The following KLRC1 variants were observed in gnomAD, a reference collection of about 807,000 sequenced individuals.
KLRC1 encodes killer cell lectin like receptor C1, also known as NKG2-A/NKG2-B type II integral membrane protein.
In KLRC1, 22 loss-of-function variants were observed where a neutral mutation model predicts 25.9. That is an observed-to-expected ratio of 0.85 (90% CI 0.61 to 1.21). KLRC1 has a LOEUF of 1.21. KLRC1 is among the 50% of genes most tolerant of loss of function. The probability of loss-of-function intolerance (pLI) is 0.00; values close to 1 mark genes in which losing one functional copy is unlikely to be tolerated. For missense variants in KLRC1, 240 were observed against 272.2 expected (o/e 0.88, Z 0.83); for synonymous variants, 77 against 93.1 (o/e 0.83, Z 0.99).
At position 10,451,164 on chromosome 12, in the gene KLRC1, G is replaced by A. The variant is rs748623846; in HGVS notation, c.-8C>T. ...TACTCCTTGGTTATCCATCTCTGCA[G>A]TGTGTGATGTCAGGGACTGTACTCT... On this transcript the variant is annotated 5_prime_UTR_variant, in exon 2 of 7. Coordinates refer to ENST00000359151, the MANE Select transcript of KLRC1 (RefSeq NM_002259.5). The A allele has an allele frequency of 6.2e-6, 10 of 1,608,984 alleles. No individual in the cohort carries two copies. The highest frequency in any genetic ancestry group is 8.5e-6 in the Non-Finnish European group (10 of 1,177,716).
At chr12:10,448,794 C>A (rs574005645) in intron 5 of KLRC1, among the ~76,000 whole-genome samples, 1 of 152,200 alleles carries the variant, frequency 6.6e-6, no homozygotes, top group African/African-American at 2.4e-5. Context: ...AGCAGGTAAA[C>A]GTTATTTATA....
intron 6 of KLRC1, 36 bp from the exon 7 acceptor site, chr12:10,446,698 T>C (rs369864314): frequency 1.7e-4 from 276 of 1,611,330 alleles, no homozygotes; most frequent in Non-Finnish European, 2.3e-4. Flanking sequence ...TGTTACATTT[T>C]AAGCAAATGA....
rs1863987007 is a variant in KLRC1, at chr12:10,446,502, A to G, written c.*49T>C. 1 of 1,534,434 alleles carries G rather than the reference A, an allele frequency of 6.5e-7. No individual in the cohort carries two copies. The highest frequency in any genetic ancestry group is 2.3e-5 in the East Asian group (1 of 43,940). On this transcript the variant is annotated 3_prime_UTR_variant, in exon 7 of 7. Coordinates refer to ENST00000359151, the MANE Select transcript of KLRC1 (RefSeq NM_002259.5). Reference sequence around the variant, plus strand: ...TGCAATCATAATATATTTCTATTTTAAGAAATATACAATTTATCTGATGCA... The same window carrying G: ...TGCAATCATAATATATTTCTATTTTGAGAAATATACAATTTATCTGATGCA...
chr12:10,450,320 A>G lies in KLRC1; in HGVS notation c.283+164T>C, dbSNP rs1864095514. ...TCAGAAGCGAATACTTTCAACAATT[A>G]TTCTTTCATTTATTCTTTGACAAAT... On this transcript the variant is annotated intron_variant, in intron 3 of 6. Transcript: ENST00000359151. 3 of 527,166 alleles carry G rather than the reference A, an allele frequency of 5.7e-6. No homozygotes were observed. The South Asian group carries it at 9.7e-5, about 17-fold the overall frequency. The allele number at this position is 527,166 out of a possible 1,614,324, so 32.7% of individuals were successfully genotyped here. A position where few individuals can be genotyped will look rare whatever the true frequency, so the allele number is the denominator to read the frequency against.
downstream of KLRC1, among the ~76,000 whole-genome samples, chr12:10,443,740 C>CTAA: frequency 7.1e-6 from 1 of 140,444 alleles, no homozygotes; most frequent in East Asian, 2.1e-4. Context: ...TCTCATAATT[C>CTAA]TAAGCATATT....
At chr12:10,444,651 A>G (rs1323982322), downstream of KLRC1, among the ~76,000 whole-genome samples, 1 of 152,218 alleles carries the variant, frequency 6.6e-6, no homozygotes, top group Non-Finnish European at 1.5e-5. Flanking sequence ...TACATGTTTT[A>G]AAGAAATTCA....
At position 10,449,919 on chromosome 12, in the gene KLRC1, T is replaced by G; in HGVS notation, c.332A>C (p.Gln111Pro). Residue 111 changes from glutamine to proline, a missense_variant, in exon 4 of 7, where the codon CAG becomes CCG. Coordinates refer to ENST00000359151, the MANE Select transcript of KLRC1 (RefSeq NM_002259.5). ...HNNSSLNTRT[Q>P]KARHCGHCPE... Reference sequence around the variant, plus strand: ...CTTTAAAAATTATTATATACCTTTCTGAGTTCTTGTATTCAGGGAAGAATT... The same window carrying G: ...CTTTAAAAATTATTATATACCTTTCGGAGTTCTTGTATTCAGGGAAGAATT... 5.4e-6 allele frequency: 8 copies of G among 1,483,546 alleles called. No homozygotes were observed. The highest frequency in any genetic ancestry group is 6.3e-6 in the Non-Finnish European group (7 of 1,111,350). 91.9% of individuals were successfully genotyped at this position (1,483,546 alleles called of 1,614,324 possible). A position where few individuals can be genotyped will look rare whatever the true frequency, so the allele number is the denominator to read the frequency against.
At chr12:10,443,580 C>A (rs759025973), downstream of KLRC1, among the ~76,000 whole-genome samples, 7 of 141,292 alleles carry the variant, frequency 5.0e-5, 1 homozygote, top group Admixed American at 6.9e-5. Context: ...GATTTTAAAC[C>A]CTTTTCTCTC....
downstream of KLRC1, among the ~76,000 whole-genome samples, chr12:10,444,315 T>G (rs1172789726): frequency 6.8e-6 from 1 of 146,282 alleles, no homozygotes; most frequent in Non-Finnish European, 1.5e-5. Flanking sequence ...CAAAGGTATT[T>G]TCATTGAAAA....
intron 3 of KLRC1, 119 bp downstream of exon 3, chr12:10,450,365 T>C (rs1245279672): frequency 8.2e-6 from 5 of 606,438 alleles, no homozygotes; most frequent in Non-Finnish European, 1.4e-5. Flanking sequence ...TCATTCCACA[T>C]TTAGTCCAAA....
Position 10,453,191 on chromosome 12 carries a change from T to A in KLRC1, c.-32+7A>T. The A allele has an allele frequency of 1.0e-6, 1 of 984,186 alleles. No homozygotes were observed. The allele number at this position is 984,186 out of a possible 1,614,324, so 61.0% of individuals were successfully genotyped here. A position where few individuals can be genotyped will look rare whatever the true frequency, so the allele number is the denominator to read the frequency against. On this transcript the variant is annotated splice_region_variant and intron_variant, in intron 1 of 6. Transcript: ENST00000359151. ...CTAGTAGAGAGTTGGAGAGTAGCAA[T>A]ACATACCTTCTGTCCCCAGAAAGTC...
At chr12:10,453,135 G>A in intron 1 of KLRC1, 63 bp downstream of exon 1, 6 of 646,042 alleles carry the variant, frequency 9.3e-6, no homozygotes, top group Non-Finnish European at 1.2e-5. Flanking sequence ...ATCATATTGA[G>A]CACTTGAAAT....
chr12:10,450,303 G>T (rs574770218), intron 3 of KLRC1, 181 bp downstream of exon 3: 2 of 514,906 alleles, frequency 3.9e-6, no homozygotes, highest in Middle Eastern at 4.9e-4. Flanking sequence ...CATCAGAAGC[G>T]AATACTTTCA....
intron 3 of KLRC1, 46 bp from the exon 4 acceptor site, chr12:10,450,013 C>A: frequency 7.8e-7 from 1 of 1,279,096 alleles, no homozygotes; most frequent in African/African-American, 1.9e-5. Context: ...GCATCTAAAT[C>A]AATCATAATA....
At chr12:10,449,419 C>A (rs1864073579) in intron 4 of KLRC1, 31 bp from the exon 5 acceptor site, 1 of 1,597,396 alleles carries the variant, frequency 6.3e-7, no homozygotes, top group South Asian at 1.1e-5. Flanking sequence ...CTATCTAGAC[C>A]AATATGAATT....
intron 6 of KLRC1, chr12:10,447,169 C>T (rs959095681): frequency 6.8e-5 from 13 of 191,330 alleles, no homozygotes; most frequent in South Asian, 2.2e-4. Flanking sequence ...GCTTCAAATG[C>T]GGCCCAATAC....
At chr12:10,452,590 T>C (rs887541986) in intron 1 of KLRC1, among the ~76,000 whole-genome samples, 1 of 152,200 alleles carries the variant, frequency 6.6e-6, no homozygotes, top group Non-Finnish European at 1.5e-5. Flanking sequence ...ACAATTGTTA[T>C]GTTACTGTTT....
rs1243320219 is a variant in KLRC1 at position 10,448,533 on chromosome 12, G to T, written c.489+704C>A. On this transcript the variant is annotated intron_variant, in intron 5 of 6. Coordinates refer to ENST00000359151, the MANE Select transcript of KLRC1 (RefSeq NM_002259.5). ...GAGTGGATGTGGGTGAGGAGGATCA[G>T]CAAAGGAACCCAATGACTACCAGTG... 2.0e-5 allele frequency among the ~76,000 whole-genome samples: 3 copies of T among 152,278 alleles called. No individual in the cohort carries two copies. The East Asian group carries it at 5.8e-4, about 29-fold the overall frequency.
rs778159152 is a variant in KLRC1 at position 10,449,192 on chromosome 12, C to T, written c.489+45G>A. ...ATGATTTCTACAAATATATTATCGA[C>T]CGAAAGAAGCTTTTCATAAAGTGTT... On this transcript the variant is annotated intron_variant, in intron 5 of 6. Coordinates refer to ENST00000359151, the MANE Select transcript of KLRC1 (RefSeq NM_002259.5). 4.3e-6 allele frequency: 7 copies of T among 1,610,804 alleles called. No individual in the cohort carries two copies. The Admixed American group carries it at 1.0e-4, about 23-fold the overall frequency.
Sources: allele counts gnomAD v4.1 joint callset (sites outside exome capture counted in the v4.1 genomes callset), GRCh38; gene constraint gnomAD v4.1.1; transcripts MANE v1.5; gene names NCBI Gene and HGNC (gene_info 2026-07-23, HGNC 2026-07-21).